Variants in ESRRG observed in about 807,000 individuals in gnomAD.
ESRRG encodes estrogen related receptor gamma, also known as estrogen-related receptor gamma.
ESRRG carries 13 observed loss-of-function variants against 44.0 expected under a neutral mutation model. The observed-to-expected ratio is 0.30, with a 90% CI of 0.19 to 0.47. The LOEUF (loss-of-function observed/expected upper bound fraction) is 0.47. ESRRG is among the 20% of genes least tolerant of loss of function. ESRRG has a pLI of 1.00. For missense variants in ESRRG, 395 were observed against 580.6 expected (o/e 0.68, Z 3.29); for synonymous variants, 215 against 214.6 (o/e 1.00, Z -0.02).
At chr1:216,652,948 G>C (rs758685501) in intron 2 of ESRRG, among the ~76,000 whole-genome samples, 5 of 151,774 alleles carry the variant, frequency 3.3e-5, no homozygotes, top group Non-Finnish European at 5.9e-5. Context: ...GGACTGAACA[G>C]TGACTGCTTA....
intron 1 of ESRRG, among the ~76,000 whole-genome samples, chr1:216,678,640 T>C (rs1013066043): frequency 6.6e-6 from 1 of 152,204 alleles, no homozygotes; most frequent in African/African-American, 2.4e-5. Context: ...AAAGATATAA[T>C]TGGTCCTATT....
intron 5 of ESRRG, among the ~76,000 whole-genome samples, chr1:216,554,097 T>G (rs2149418336): frequency 6.6e-6 from 1 of 152,128 alleles, no homozygotes; most frequent in African/African-American, 2.4e-5. Flanking sequence ...AGCAGCAGGA[T>G]TTTAGTGAAA....
intron 1 of ESRRG, among the ~76,000 whole-genome samples, chr1:217,050,796 G>A (rs908909076): frequency 6.6e-6 from 1 of 152,148 alleles, no homozygotes; most frequent in African/African-American, 2.4e-5. Context: ...CTAATAGTAA[G>A]TCTGGGGACA....
At chr1:216,858,947 T>C (rs905139915) in intron 2 of ESRRG, among the ~76,000 whole-genome samples, 1 of 152,174 alleles carries the variant, frequency 6.6e-6, no homozygotes, top group Non-Finnish European at 1.5e-5. Flanking sequence ...AGCCATTAAT[T>C]CCTCAGTTTT....
At chr1:216,641,724 C>T (rs2066473559) in intron 3 of ESRRG, among the ~76,000 whole-genome samples, 1 of 152,208 alleles carries the variant, frequency 6.6e-6, no homozygotes, top group African/African-American at 2.4e-5. Flanking sequence ...AGGAATTGAA[C>T]AGCTTCAGTA....
intron 1 of ESRRG, among the ~76,000 whole-genome samples, chr1:217,106,457 A>G (rs1305112129): frequency 6.6e-6 from 1 of 151,844 alleles, no homozygotes; most frequent in Non-Finnish European, 1.5e-5. Flanking sequence ...AAGCGATTCT[A>G]TGACTCATTC....
chr1:216,872,847 G>T (rs1330655382), intron 2 of ESRRG, among the ~76,000 whole-genome samples: 1 of 152,050 alleles, frequency 6.6e-6, no homozygotes, highest in Non-Finnish European at 1.5e-5. Context: ...AATTTTTCTG[G>T]TTTTTCTTAG....
At chr1:217,031,542 G>T (rs1409031147) in intron 1 of ESRRG, among the ~76,000 whole-genome samples, 1 of 152,226 alleles carries the variant, frequency 6.6e-6, no homozygotes, top group African/African-American at 2.4e-5. Context: ...ACTCAGCCAA[G>T]GGAGAAACAT....
intron 2 of ESRRG, among the ~76,000 whole-genome samples, chr1:216,776,704 G>A (rs1322641700): frequency 6.6e-6 from 1 of 152,096 alleles, no homozygotes; most frequent in Non-Finnish European, 1.5e-5. Flanking sequence ...TGGAGTTCAG[G>A]AGGTAAAAGA....
chr1:217,111,241 C>A (rs762513421), intron 1 of ESRRG, among the ~76,000 whole-genome samples: 2 of 152,062 alleles, frequency 1.3e-5, no homozygotes, highest in African/African-American at 2.4e-5. Flanking sequence ...CCAGTAAGTC[C>A]CCAGGGCAGG....
rs1288913619 is a variant in ESRRG at position 216,984,931 on chromosome 1, T to C, written c.-105-45258A>G. 2.6e-5 allele frequency among the ~76,000 whole-genome samples: 4 copies of C among 152,348 alleles called. No individual in the cohort carries two copies. In the East Asian group the frequency reaches 7.7e-4, roughly 29 times the overall value. On this transcript the variant is annotated intron_variant, in intron 1 of 7. Coordinates refer to the ESRRG transcript ENST00000359162. ...TTACTTGCCTATTTCTGAATATTCTTTATTAAATAATAAACTCAAGAATAA... is the reference window on the plus strand; with the variant it reads ...TTACTTGCCTATTTCTGAATATTCTCTATTAAATAATAAACTCAAGAATAA...
rs779244537 is a variant in ESRRG, at chr1:216,920,419, T to C, written c.-14+19163A>G. 5.0e-3 allele frequency among the ~76,000 whole-genome samples: 286 copies of C among 57,028 alleles called. 1 individual carries two copies. The highest frequency in any genetic ancestry group is 0.012 in the South Asian group (15 of 1,260). 37.4% of individuals were successfully genotyped at this position (57,028 alleles called of 152,430 possible). On this transcript the variant is annotated intron_variant, in intron 2 of 7. Transcript: ENST00000359162. ...GTGTGTGTGTGTGTGTGTGTGTGTG[T>C]GCGCATATTTTTCTGTAGGGACAAT...
intron 1 of ESRRG, among the ~76,000 whole-genome samples, chr1:217,044,453 G>A (rs758676270): frequency 6.6e-6 from 1 of 152,090 alleles, no homozygotes; most frequent in Non-Finnish European, 1.5e-5. Context: ...TTAAATTAAT[G>A]TGACCCATTC....
rs150074605 is a variant in ESRRG, at chr1:216,705,122, G to T, written c.56+18122C>A. On this transcript the variant is annotated intron_variant, in intron 1 of 6. Coordinates refer to ENST00000408911, the MANE Select transcript of ESRRG (RefSeq NM_001438.4). ...AATCGCTTTAAGTATTTCTTTTTTGGGCTAATCAAGTAGGTACCTGTCCAT... is the reference window on the plus strand; with the variant it reads ...AATCGCTTTAAGTATTTCTTTTTTGTGCTAATCAAGTAGGTACCTGTCCAT... 6.5e-3 allele frequency among the ~76,000 whole-genome samples: 994 copies of T among 151,886 alleles called. 46 individuals are homozygous for T. The highest frequency in any genetic ancestry group is 0.062 in the Admixed American group (942 of 15,252).
chr1:216,734,201 C>T (rs2089438079), intron 2 of ESRRG, among the ~76,000 whole-genome samples: 1 of 152,104 alleles, frequency 6.6e-6, no homozygotes, highest in East Asian at 1.9e-4. Context: ...CTGCACTGTG[C>T]CTAGCACTGA....
At chr1:216,603,796 T>C (rs112050151) in intron 3 of ESRRG, among the ~76,000 whole-genome samples, 1,771 of 152,002 alleles carry the variant, frequency 0.012, 31 homozygotes, top group African/African-American at 0.039. Flanking sequence ...GGCATGTTGG[T>C]GCATACTTGT....
rs538687644 is a variant in ESRRG at position 216,981,442 on chromosome 1, G to T, written c.-105-41769C>A. ...CGGCCTGTAAAATGGAGACAATAAT[G>T]GTACCCTATTTCATAGTGCTGTCAT... On this transcript the variant is annotated intron_variant, in intron 1 of 7. Coordinates refer to the ESRRG transcript ENST00000359162. Among the ~76,000 whole-genome samples, 4 of 152,074 alleles carry T rather than the reference G, an allele frequency of 2.6e-5. No homozygotes were observed. In the South Asian group the frequency reaches 8.3e-4, roughly 32 times the overall value.
intron 5 of ESRRG, among the ~76,000 whole-genome samples, chr1:216,557,929 A>G (rs1388005896): frequency 6.6e-6 from 1 of 152,166 alleles, no homozygotes; most frequent in East Asian, 1.9e-4. Context: ...TCACAGGTAT[A>G]TAAGAGCTGG....
intron 1 of ESRRG, among the ~76,000 whole-genome samples, chr1:217,044,127 G>C (rs2084402762): frequency 6.6e-6 from 1 of 152,174 alleles, no homozygotes; most frequent in Admixed American, 6.5e-5. Context: ...GAAGTAGGTA[G>C]CAGACTTTGA....
Sources: allele counts gnomAD v4.1 joint callset (sites outside exome capture counted in the v4.1 genomes callset), GRCh38; gene constraint gnomAD v4.1.1; transcripts MANE v1.5; gene names NCBI Gene and HGNC (gene_info 2026-07-23, HGNC 2026-07-21).